The following PJA2 variants were observed in gnomAD, a reference collection of about 807,000 sequenced individuals.
The protein encoded by PJA2 is praja ring finger ubiquitin ligase 2, also known as E3 ubiquitin-protein ligase Praja-2.
Under a neutral mutation model 69.3 loss-of-function variants are expected in PJA2, and 25 were observed. That is an observed-to-expected ratio of 0.36 (90% CI 0.26 to 0.50). The LOEUF is 0.50. Ranked by LOEUF, PJA2 falls within the 20% of genes least tolerant of loss-of-function variation. PJA2 has a pLI of 0.96. For synonymous variants in PJA2, 308 were observed against 277.8 expected, an observed-to-expected ratio of 1.11 and a Z score of -1.08; for missense variants, 809 against 830.2, an observed-to-expected ratio of 0.97 and a Z score of 0.31.
chr5:109,342,599 T>A (rs1762094082), intron 9 of PJA2, among the ~76,000 whole-genome samples: 1 of 72,164 alleles, frequency 1.4e-5, no homozygotes. Flanking sequence ...CCGCCCCTAC[T>A]GGGAAGTGAG....
intron 7 of PJA2, among the ~76,000 whole-genome samples, chr5:109,351,159 C>G (rs931614137): frequency 6.7e-6 from 1 of 148,978 alleles, no homozygotes; most frequent in Admixed American, 6.7e-5. Flanking sequence ...AATATCTAGA[C>G]AAGTTGATGT....
intron 1 of PJA2, among the ~76,000 whole-genome samples, chr5:109,397,816 G>C (rs934034321): frequency 1.3e-5 from 2 of 152,140 alleles, no homozygotes; most frequent in Non-Finnish European, 2.9e-5. Flanking sequence ...GAGCCACGGT[G>C]AACGGCCAAC....
rs150363273 is a variant in PJA2 at position 109,370,112 on chromosome 5, T to A, written c.1284-1366A>T. On this transcript the variant is annotated intron_variant, in intron 4 of 9. Coordinates refer to ENST00000361189, the MANE Select transcript of PJA2 (RefSeq NM_014819.5). Reference sequence around the variant, plus strand: ...AGCCAACTTGGTTACAATTAACTACTCTTAGTTTTTAAAGAATTAGTCCTC... The same window carrying A: ...AGCCAACTTGGTTACAATTAACTACACTTAGTTTTTAAAGAATTAGTCCTC... Among the ~76,000 whole-genome samples, 246 of 150,986 alleles carry A rather than the reference T, an allele frequency of 1.6e-3. 2 individuals are homozygous for A. Among genetic ancestry groups the A allele is most frequent in the African/African-American group, 5.7e-3 (236 of 41,226 alleles).
intron 7 of PJA2, among the ~76,000 whole-genome samples, chr5:109,354,234 A>C (rs1762355446): frequency 6.8e-6 from 1 of 148,106 alleles, no homozygotes; most frequent in Admixed American, 6.7e-5. Context: ...TGATGTCTAG[A>C]GATTTCTATA....
intron 1 of PJA2, among the ~76,000 whole-genome samples, chr5:109,388,027 AC>A (rs1747198570): frequency 6.6e-6 from 1 of 152,206 alleles, no homozygotes; most frequent in Non-Finnish European, 1.5e-5. Flanking sequence ...AAGTTAATAA[AC>A]TGCTCTCAGT....
At chr5:109,346,647 A>G (rs937801602) in intron 7 of PJA2, among the ~76,000 whole-genome samples, 2 of 152,236 alleles carry the variant, frequency 1.3e-5, no homozygotes, top group Non-Finnish European at 2.9e-5. Context: ...TAAATGAAAT[A>G]AGCCAGTCAC....
At position 109,335,140 on chromosome 5, in the gene PJA2, C is replaced by A. The variant is rs1003470341; in HGVS notation, c.*2091G>T. 1.3e-5 allele frequency: 2 copies of A among 152,594 alleles called. No individual in the cohort carries two copies. 9.5% of individuals were successfully genotyped at this position (152,594 alleles called of 1,614,324 possible). A position where few individuals can be genotyped will look rare whatever the true frequency, so the allele number is the denominator to read the frequency against. On this transcript the variant is annotated 3_prime_UTR_variant, in exon 10 of 10. Transcript: ENST00000361189. ...ATCAAATAATATTTTAGTATCTGAA[C>A]TTGCCAGCCTTAGCTTATACCAGAG...
chr5:109,355,424 G>A (rs1762397540), intron 7 of PJA2, among the ~76,000 whole-genome samples: 1 of 152,182 alleles, frequency 6.6e-6, no homozygotes, highest in Non-Finnish European at 1.5e-5. Flanking sequence ...TGAAAAGAAG[G>A]CAAGAGAAGC....
At chr5:109,391,994 T>C (rs1000913609) in intron 1 of PJA2, among the ~76,000 whole-genome samples, 1 of 152,210 alleles carries the variant, frequency 6.6e-6, no homozygotes, top group Non-Finnish European at 1.5e-5. Flanking sequence ...GCTTGGAAGA[T>C]TCAGTTTTAT....
At chr5:109,368,848 AT>A in intron 4 of PJA2, 102 bp from the exon 5 acceptor site, 1 of 1,223,094 alleles carries the variant, frequency 8.2e-7, no homozygotes, top group East Asian at 2.5e-5. Flanking sequence ...TCCCCACCAA[AT>A]CTCATGTTGA....
chr5:109,397,355 AT>A (rs1358174780), intron 1 of PJA2, among the ~76,000 whole-genome samples: 1 of 152,200 alleles, frequency 6.6e-6, no homozygotes, highest in Non-Finnish European at 1.5e-5. Flanking sequence ...TAAAAAGTTA[AT>A]TTTAGAAATG....
chr5:109,374,692 A>T (rs1746815284), intron 4 of PJA2, among the ~76,000 whole-genome samples: 2 of 152,216 alleles, frequency 1.3e-5, no homozygotes, highest in Admixed American at 6.5e-5. Flanking sequence ...CCAACATTTT[A>T]CCTTAAGTAA....
At chr5:109,401,167 G>A (rs1315040997) in intron 1 of PJA2, among the ~76,000 whole-genome samples, 1 of 151,828 alleles carries the variant, frequency 6.6e-6, no homozygotes, top group Non-Finnish European at 1.5e-5. Flanking sequence ...GCCTGTGATC[G>A]CAGATACTTG....
chr5:109,358,110 T>A (rs1192307553), intron 6 of PJA2, among the ~76,000 whole-genome samples: 2 of 152,210 alleles, frequency 1.3e-5, no homozygotes, highest in African/African-American at 4.8e-5. Context: ...ACAAAATCTC[T>A]GCAGCACTAT....
At chr5:109,409,531 G>T (rs1200675426) in intron 1 of PJA2, among the ~76,000 whole-genome samples, 2 of 152,120 alleles carry the variant, frequency 1.3e-5, no homozygotes, top group South Asian at 4.1e-4. Flanking sequence ...AGAAGAGGCA[G>T]CAGTAAAGAG....
At chr5:109,405,514 T>A (rs780821282) in intron 1 of PJA2, among the ~76,000 whole-genome samples, 1 of 152,166 alleles carries the variant, frequency 6.6e-6, no homozygotes, top group East Asian at 1.9e-4. Flanking sequence ...TCAATACTTA[T>A]AAGTAAAAAT....
In PJA2 at chr5:109,378,269, C is replaced by T. The variant is rs10042721; in HGVS notation, c.1218G>A (p.Glu406=). 1,184,160 of 1,613,048 alleles carry T rather than the reference C, an allele frequency of 0.73. 439,699 individuals carry two copies. The highest frequency in any genetic ancestry group is 0.82 in the African/African-American group (61,592 of 74,972). Residue 406 remains glutamate, a synonymous_variant, in exon 4 of 10, where the codon GAG becomes GAA. Coordinates refer to ENST00000361189, the MANE Select transcript of PJA2 (RefSeq NM_014819.5). ...AGCCATTCCAAAAGGTGTTATCCACCTCTTGCCTTCCTGCTGTGGCTCCAC... is the reference window on the plus strand; with the variant it reads ...AGCCATTCCAAAAGGTGTTATCCACTTCTTGCCTTCCTGCTGTGGCTCCAC... ...SESGATAGRQ[E]VDNTFWNGCG... is the part of the protein sequence containing the mutation.
At chr5:109,354,977 C>T (rs1299789900) in intron 7 of PJA2, among the ~76,000 whole-genome samples, 1 of 151,802 alleles carries the variant, frequency 6.6e-6, no homozygotes, top group Admixed American at 6.6e-5. Flanking sequence ...AAAACCAAAA[C>T]CAGGTCTGAT....
chr5:109,349,037 T>C (rs1762211110), intron 7 of PJA2, among the ~76,000 whole-genome samples: 1 of 152,192 alleles, frequency 6.6e-6, no homozygotes, highest in African/African-American at 2.4e-5. Flanking sequence ...TAACTAGCGA[T>C]GGATACAATG....
Sources: allele counts gnomAD v4.1 joint callset (sites outside exome capture counted in the v4.1 genomes callset), GRCh38; gene constraint gnomAD v4.1.1; transcripts MANE v1.5; gene names NCBI Gene and HGNC (gene_info 2026-07-23, HGNC 2026-07-21).